The following DNAJC21 variants were observed in gnomAD, a reference collection of about 807,000 sequenced individuals.
DNAJC21 encodes the protein DnaJ heat shock protein family (Hsp40) member C21.
Under a neutral mutation model 72.4 loss-of-function variants are expected in DNAJC21, and 63 were observed. That is an observed-to-expected ratio of 0.87 (90% confidence interval 0.71 to 1.07). The LOEUF (loss-of-function observed/expected upper bound fraction) is 1.07, where lower values mean the gene tolerates loss of function less well. Among genes scored for constraint, DNAJC21 ranks in the 50% least tolerant of loss-of-function variants. The pLI, the probability that DNAJC21 is intolerant of heterozygous loss-of-function variation, is 0.00. For synonymous variants in DNAJC21, 203 were observed against 216.7 expected (o/e 0.94, Z 0.56); for missense variants, 634 against 644.8 (o/e 0.98, Z 0.18).
chr5:34,949,629 T>G (rs1428497278), intron 9 of DNAJC21: 3 of 1,609,172 alleles, frequency 1.9e-6, no homozygotes, highest in Non-Finnish European at 2.5e-6. Context: ...AGAGAAGAGA[T>G]GGAGAGAGCG....
intron 1 of DNAJC21, 88 bp downstream of exon 1, chr5:34,930,004 C>A: frequency 9.1e-7 from 1 of 1,100,806 alleles, no homozygotes; most frequent in Non-Finnish European, 1.2e-6. Flanking sequence ...CTCCGCGGAG[C>A]CAGCAGAGAG....
intron 9 of DNAJC21, among the ~76,000 whole-genome samples, chr5:34,949,877 A>G (rs931654710): frequency 2.6e-5 from 4 of 152,190 alleles, no homozygotes. Context: ...TCTTTCTTCT[A>G]CTTTTGCTAA....
intron 9 of DNAJC21, among the ~76,000 whole-genome samples, chr5:34,947,122 A>G (rs1208065142): frequency 6.6e-6 from 1 of 152,154 alleles, no homozygotes; most frequent in African/African-American, 2.4e-5. Flanking sequence ...AGATTGGGGA[A>G]GTTTTCTGTA....
In DNAJC21 at chr5:34,954,953, T is replaced by C. The variant is rs761261852; in HGVS notation, c.*239T>C. The C allele has an allele frequency of 3.4e-5, 11 of 327,464 alleles. No individual in the cohort carries two copies. The highest frequency in any genetic ancestry group is 9.7e-5 in the Admixed American group (2 of 20,670). The allele number at this position is 327,464 out of a possible 1,614,324, so 20.3% of individuals were successfully genotyped here. ...TGAATGTCTTAAAACAGGTAAATACTGTAAAGTGTGTATTCTTGATGTTTA... is the reference window on the plus strand; with the variant it reads ...TGAATGTCTTAAAACAGGTAAATACCGTAAAGTGTGTATTCTTGATGTTTA... On this transcript the variant is annotated 3_prime_UTR_variant, in exon 12 of 12. Coordinates refer to ENST00000648817, the MANE Select transcript of DNAJC21 (RefSeq NM_001012339.3).
In DNAJC21 at chr5:34,949,750, G is replaced by A. The variant is rs980904915; in HGVS notation, c.1186-420G>A. 16 of 1,590,484 alleles carry A rather than the reference G, an allele frequency of 1.0e-5. No homozygotes were observed. The East Asian group carries it at 1.6e-4, about 16-fold the overall frequency. ...TTTGTTGTTGCCATTGTTTGTGACT[G>A]TAGAAGAATAGTTGCTCATTGCTTA... On this transcript the variant is annotated intron_variant, in intron 9 of 11. Transcript: ENST00000648817.
intron 1 of DNAJC21, among the ~76,000 whole-genome samples, chr5:34,931,447 G>T (rs1293210868): frequency 1.3e-5 from 2 of 152,146 alleles, no homozygotes; most frequent in African/African-American, 4.8e-5. Flanking sequence ...TTAGAAGGAA[G>T]TTCGGAATTC....
At chr5:34,937,823 T>C (rs887239197) in intron 5 of DNAJC21, among the ~76,000 whole-genome samples, 193 bp downstream of exon 5, 3 of 152,132 alleles carry the variant, frequency 2.0e-5, no homozygotes, top group African/African-American at 7.2e-5. Flanking sequence ...TTTGGGACAG[T>C]GTCATTCTGT....
At chr5:34,943,701 A>G (rs1372491385) in intron 7 of DNAJC21, among the ~76,000 whole-genome samples, 2 of 152,310 alleles carry the variant, frequency 1.3e-5, no homozygotes, top group Non-Finnish European at 2.9e-5. Context: ...ATGGTTGCAG[A>G]ATGATGCTTT....
At chr5:34,947,655 TG>T (rs67617559) in intron 9 of DNAJC21, among the ~76,000 whole-genome samples, 43,132 of 135,416 alleles carry the variant, frequency 0.32, 8,269 homozygotes, top group Non-Finnish European at 0.45. Flanking sequence ...GTTTTCACCA[TG>T]TTTTTTTTTT....
rs1765461805 is a variant in DNAJC21, at chr5:34,954,028, T to C, written c.1434+27T>C. On this transcript the variant is annotated intron_variant, in intron 11 of 11. Coordinates refer to ENST00000648817, the MANE Select transcript of DNAJC21 (RefSeq NM_001012339.3). ...TAGGTCAAAATCATATTCATATCTC[T>C]TTAGCATATCTTGCTGTTTAAGCAG... 3 of 1,577,480 alleles carry C rather than the reference T, an allele frequency of 1.9e-6. No homozygotes were observed. The African/African-American group carries it at 4.1e-5, about 21-fold the overall frequency.
chr5:34,949,327 C>CA (rs904281367), intron 9 of DNAJC21, among the ~76,000 whole-genome samples: 13 of 149,708 alleles, frequency 8.7e-5, no homozygotes, highest in East Asian at 3.9e-4. Flanking sequence ...TCATGAAAGA[C>CA]AAAAAAAAAG....
At chr5:34,949,401 C>A in intron 9 of DNAJC21, 1 of 1,332,950 alleles carries the variant, frequency 7.5e-7, no homozygotes, top group Non-Finnish European at 9.9e-7. Flanking sequence ...AACATGTGAT[C>A]CTTGATTACA....
chr5:34,939,290 G>C (rs991976509), intron 6 of DNAJC21, among the ~76,000 whole-genome samples: 1 of 149,832 alleles, frequency 6.7e-6, no homozygotes, highest in African/African-American at 2.5e-5. Flanking sequence ...ACGGAGTCTC[G>C]CTCTGTCGCC....
At chr5:34,950,584 C>G (rs760822368) in intron 10 of DNAJC21, 7 of 1,127,798 alleles carry the variant, frequency 6.2e-6, no homozygotes, top group Non-Finnish European at 7.6e-6. Context: ...AAAGATGTCA[C>G]TTTGATCCAG....
At chr5:34,951,366 C>T (rs1765358598) in intron 10 of DNAJC21, 1 of 985,420 alleles carries the variant, frequency 1.0e-6, no homozygotes, top group South Asian at 4.7e-5. Flanking sequence ...GAAAGGCTGA[C>T]ACTTCATTCC....
At chr5:34,935,367 A>G (rs1764733798) in intron 2 of DNAJC21, among the ~76,000 whole-genome samples, 1 of 152,150 alleles carries the variant, frequency 6.6e-6, no homozygotes, top group South Asian at 2.1e-4. Context: ...CAGATGTGTA[A>G]TGATTCTGTG....
chr5:34,947,205 A>G (rs534929615), intron 9 of DNAJC21, among the ~76,000 whole-genome samples: 10 of 152,300 alleles, frequency 6.6e-5, no homozygotes, highest in African/African-American at 2.4e-4. Flanking sequence ...GAATGTAAAT[A>G]GAAAGAAATG....
At position 34,944,880 on chromosome 5, in the gene DNAJC21, G is replaced by A. The variant is rs1454602205; in HGVS notation, c.997G>A (p.Glu333Lys). Residue 333 changes from glutamate to lysine, a missense_variant, in exon 8 of 12, where the codon GAG becomes AAG. By Grantham distance (56) the Glu-to-Lys change is moderately conservative. Transcript: ENST00000648817. ...TTGCTCTTTCAGCATGAAGAATCAC[G>A]AGAAGTCAAAGAAGCATCGGGAAAT... is the stretch of plus-strand genomic sequence containing the variant. ...FKTEKAMKNHEKSKKHREMVA... is the reference protein window; with the variant it reads ...FKTEKAMKNHKKSKKHREMVA... 11 of 1,614,082 alleles carry A rather than the reference G, an allele frequency of 6.8e-6. No homozygotes were observed. The highest frequency in any genetic ancestry group is 3.3e-5 in the Admixed American group (2 of 60,016).
intron 1 of DNAJC21, chr5:34,930,228 G>A (rs1764541312): frequency 5.2e-6 from 1 of 191,170 alleles, no homozygotes; most frequent in Non-Finnish European, 1.1e-5. Flanking sequence ...ACACCACGAG[G>A]GAGCAGTCGG....
Sources: gnomAD v4.1 joint callset for allele counts (sites outside exome capture counted in the v4.1 genomes callset) on GRCh38, gnomAD v4.1.1 for gene constraint, MANE v1.5 for transcripts, NCBI Gene and HGNC (gene_info 2026-07-23, HGNC 2026-07-21) for gene names.